The following GRIA2 variants were observed in gnomAD, a reference collection of about 807,000 sequenced individuals.
GRIA2 encodes the protein glutamate ionotropic receptor AMPA type subunit 2, also known as glutamate receptor 2.
A neutral mutation model predicts 97.3 loss-of-function variants in GRIA2; 14 were observed. That is an observed-to-expected ratio of 0.14 (90% CI 0.10 to 0.23). GRIA2 has a LOEUF of 0.23. Among genes scored for constraint, GRIA2 ranks in the 10% least tolerant of loss-of-function variants. GRIA2 has a pLI of 1.00. For missense variants in GRIA2, 558 were observed against 1,069.8 expected (o/e 0.52, Z 6.67); for synonymous variants, 412 against 387.8 (o/e 1.06, Z -0.73).
At chr4:157,332,510 T>G (rs999814940) in intron 6 of GRIA2, among the ~76,000 whole-genome samples, 7 of 140,782 alleles carry the variant, frequency 5.0e-5, no homozygotes, top group African/African-American at 1.8e-4. Context: ...AGTGAGGCTG[T>G]AACAAGAAGC....
intron 2 of GRIA2, among the ~76,000 whole-genome samples, chr4:157,298,622 T>C (rs1293451605): frequency 6.3e-5 from 9 of 143,460 alleles, no homozygotes; most frequent in Non-Finnish European, 1.2e-4. Context: ...TTTTTTTTTT[T>C]TTTTTTTTTT....
At chr4:157,226,313 G>T (rs1039262889) in intron 2 of GRIA2, among the ~76,000 whole-genome samples, 2 of 151,908 alleles carry the variant, frequency 1.3e-5, no homozygotes, top group Admixed American at 6.5e-5. Flanking sequence ...ACATTGTAAA[G>T]AAATTTATTT....
chr4:157,273,762 T>C (rs1421401413), intron 2 of GRIA2, among the ~76,000 whole-genome samples: 1 of 151,984 alleles, frequency 6.6e-6, no homozygotes, highest in Non-Finnish European at 1.5e-5. Context: ...GTAACATACA[T>C]ACACATAATG....
rs114815302 is a variant in GRIA2 at position 157,276,277 on chromosome 4, A to G, written c.230-27275A>G. Reference sequence around the variant, plus strand: ...CAAATAGTTGTATATTAAACAACACACTTCTAAATAATACATGGGTCAAAG... The same window carrying G: ...CAAATAGTTGTATATTAAACAACACGCTTCTAAATAATACATGGGTCAAAG... On this transcript the variant is annotated intron_variant, in intron 2 of 15. Coordinates refer to ENST00000264426, the MANE Select transcript of GRIA2 (RefSeq NM_001083619.3). Among the ~76,000 whole-genome samples the G allele has an allele frequency of 2.7e-3, 410 of 152,250 alleles. 4 individuals are homozygous for G. The highest frequency in any genetic ancestry group is 9.3e-3 in the African/African-American group (387 of 41,586).
At chr4:157,314,414 C>T (rs922474898) in intron 4 of GRIA2, among the ~76,000 whole-genome samples, 8 of 152,034 alleles carry the variant, frequency 5.3e-5, no homozygotes, top group Non-Finnish European at 1.0e-4. Context: ...TGCAAAAGAA[C>T]TAAATGTTGA....
chr4:157,352,456 G>T (rs1027968298), intron 12 of GRIA2, among the ~76,000 whole-genome samples: 1 of 152,122 alleles, frequency 6.6e-6, no homozygotes, highest in African/African-American at 2.4e-5. Context: ...GGTGGCTCAT[G>T]CCTGTAATCT....
chr4:157,361,863 A>C lies in GRIA2; in HGVS notation c.2406+739A>C, dbSNP rs899373835. The stretch of plus-strand genomic sequence containing the variant: ...ATTTTAAATATAGTATATGCATTTA[A>C]TATATTTATTTCAGTCTGTGTTCAT... On this transcript the variant is annotated intron_variant, in intron 14 of 15. Coordinates refer to ENST00000264426, the MANE Select transcript of GRIA2 (RefSeq NM_001083619.3). This position sits in a 1 kb window ranked among gnomAD's most constrained non-coding sequence, Gnocchi z 5.2. 2.0e-5 allele frequency among the ~76,000 whole-genome samples: 3 copies of C among 152,170 alleles called. No individual in the cohort carries two copies. The highest frequency in any genetic ancestry group is 7.2e-5 in the African/African-American group (3 of 41,460).
chr4:157,323,950 CCTAGA>C lies in GRIA2; in HGVS notation c.882+2355_882+2359del, dbSNP rs1053632920. On this transcript the variant is annotated intron_variant, in intron 6 of 15. Coordinates refer to ENST00000264426, the MANE Select transcript of GRIA2 (RefSeq NM_001083619.3). ...CTTCACGGTGAGGTGTTTCAGAGAACCTAGACTAATGTGTTTTAAAACTTAGGCTG... is the reference window on the plus strand; with the variant it reads ...CTTCACGGTGAGGTGTTTCAGAGAACCTAATGTGTTTTAAAACTTAGGCTG... Among the ~76,000 whole-genome samples, 11 of 152,166 alleles carry C rather than the reference CCTAGA, an allele frequency of 7.2e-5. No homozygotes were observed. The South Asian group carries it at 1.0e-3, about 14-fold the overall frequency.
rs780912098 is a variant in GRIA2, at chr4:157,334,052, A to T, written c.1198A>T (p.Thr400Ser). 6.2e-7 allele frequency: 1 copy of T among 1,610,272 alleles called. No homozygotes were observed. Among genetic ancestry groups the T allele is most frequent in the Non-Finnish European group, 8.5e-7 (1 of 1,176,966 alleles). Reference protein sequence around the residue: ...SEVDKMVVTLTELPSGNDTSG... With the variant: ...SEVDKMVVTLSELPSGNDTSG... ...AGTGGACAAAATGGTTGTTACCCTT[A>T]CTGAGCTCCCTTCTGGAAATGACAC... Residue 400 changes from threonine (T) to serine (S), a missense_variant, in exon 9 of 16, where the codon ACT (threonine) becomes TCT (serine). Transcript: ENST00000264426.
At chr4:157,250,574 G>A (rs999764239) in intron 2 of GRIA2, among the ~76,000 whole-genome samples, 5 of 151,846 alleles carry the variant, frequency 3.3e-5, no homozygotes, top group Non-Finnish European at 5.9e-5. Flanking sequence ...TATAAATGGG[G>A]CTACCTACTT....
chr4:157,349,983 A>T (rs988463168), intron 12 of GRIA2, among the ~76,000 whole-genome samples: 32 of 152,178 alleles, frequency 2.1e-4, no homozygotes, highest in African/African-American at 7.5e-4. Context: ...TAGAGATATC[A>T]TAACATTTAT....
intron 5 of GRIA2, 142 bp downstream of exon 5, chr4:157,317,853 G>A: frequency 2.2e-6 from 1 of 463,048 alleles, no homozygotes. Flanking sequence ...GTGGGCACCT[G>A]TAATCCCAGC....
At chr4:157,250,077 C>A (rs1730955751) in intron 2 of GRIA2, among the ~76,000 whole-genome samples, 1 of 152,188 alleles carries the variant, frequency 6.6e-6, no homozygotes, top group East Asian at 1.9e-4. Context: ...AATGGGACTG[C>A]CAATAATTGT....
At chr4:157,286,108 T>A (rs1357427493) in intron 2 of GRIA2, among the ~76,000 whole-genome samples, 1 of 151,554 alleles carries the variant, frequency 6.6e-6, no homozygotes, top group East Asian at 1.9e-4. Context: ...AAGGATCATT[T>A]CCTTTAATCC....
chr4:157,362,270 T>C, intron 14 of GRIA2: 1 of 396,492 alleles, frequency 2.5e-6, no homozygotes, highest in South Asian at 1.9e-5. Context: ...GCAGGATAAC[T>C]TCCTGAAGGT....
chr4:157,335,679 G>T lies in GRIA2; in HGVS notation c.1275G>T (p.Pro425=). The change falls in exon 10 of 16, where the codon CCG becomes CCT. Residue 425 remains proline (P), a synonymous_variant. Transcript: ENST00000264426. The stretch of plus-strand genomic sequence containing the variant: ...AAAGTCTTTTCATATAGGAATCTCC[G>T]TATGTTATGATGAAGAAAAATCATG... ...TVVVTTILES[P]YVMMKKNHEM... is the part of the protein sequence containing the mutation. 5 of 1,595,694 alleles carry T rather than the reference G, an allele frequency of 3.1e-6. No homozygotes were observed. Among genetic ancestry groups the T allele is most frequent in the Non-Finnish European group, 3.4e-6 (4 of 1,163,658 alleles).
intron 4 of GRIA2, among the ~76,000 whole-genome samples, chr4:157,314,212 A>T (rs1021772042): frequency 6.6e-6 from 1 of 152,188 alleles, no homozygotes; most frequent in Non-Finnish European, 1.5e-5. Context: ...AGGAAAATAC[A>T]CACTTGTGTA....
At chr4:157,248,622 T>TAC (rs1554006776) in intron 2 of GRIA2, among the ~76,000 whole-genome samples, 14 of 76,562 alleles carry the variant, frequency 1.8e-4, no homozygotes, top group Admixed American at 3.0e-4. Flanking sequence ...CATGTATATA[T>TAC]ACGTATATAT....
chr4:157,350,215 G>C (rs1326304511), intron 12 of GRIA2, among the ~76,000 whole-genome samples: 1 of 152,018 alleles, frequency 6.6e-6, no homozygotes, highest in Non-Finnish European at 1.5e-5. Flanking sequence ...TATATGGAGA[G>C]AACTATCATC....
Sources: allele counts gnomAD v4.1 joint callset (sites outside exome capture counted in the v4.1 genomes callset), GRCh38; gene constraint gnomAD v4.1.1; non-coding constraint Gnocchi (gnomAD v3.1); transcripts MANE v1.5; gene names NCBI Gene and HGNC (gene_info 2026-07-23, HGNC 2026-07-21).